The following ZNF385C variants were observed in gnomAD, a reference collection of about 807,000 sequenced individuals.
ZNF385C encodes the protein CTD-2132N18.2.
A neutral mutation model predicts 35.4 loss-of-function variants in ZNF385C; 28 were observed. That is an observed-to-expected ratio of 0.79 (90% CI 0.59 to 1.08). ZNF385C has a LOEUF of 1.08. Among genes scored for constraint, ZNF385C ranks in the 50% least tolerant of loss-of-function variants. ZNF385C has a pLI of 0.00. For missense variants in ZNF385C, 605 were observed against 595.6 expected (o/e 1.02, Z -0.16); for synonymous variants, 248 against 248.2 (o/e 1.00, Z 0.01).
chr17:42,042,167 C>T (rs1432887070), intron 2 of ZNF385C, among the ~76,000 whole-genome samples: 9 of 151,958 alleles, frequency 5.9e-5, no homozygotes, highest in Non-Finnish European at 1.0e-4. Flanking sequence ...AGGCCAGGAG[C>T]CCAAGACCAG....
intron 2 of ZNF385C, chr17:42,038,137 C>A: frequency 4.8e-6 from 7 of 1,453,758 alleles, no homozygotes; most frequent in Non-Finnish European, 5.5e-6. Flanking sequence ...CCTGCCCCTA[C>A]TGAGGCAGCA....
At chr17:42,073,251 A>G (rs1420027512) in intron 1 of ZNF385C, among the ~76,000 whole-genome samples, 2 of 152,132 alleles carry the variant, frequency 1.3e-5, no homozygotes, top group Non-Finnish European at 2.9e-5. Flanking sequence ...AGCGTGGCCA[A>G]CATGGTGAAA....
At chr17:42,032,367 C>A (rs191151936) in intron 4 of ZNF385C, among the ~76,000 whole-genome samples, 1 of 152,090 alleles carries the variant, frequency 6.6e-6, no homozygotes, top group East Asian at 1.9e-4. Context: ...CCACTAACTA[C>A]ATCTTTAGGC....
At chr17:42,087,829 A>AT (rs2053824674) in intron 1 of ZNF385C, among the ~76,000 whole-genome samples, 2 of 152,228 alleles carry the variant, frequency 1.3e-5, no homozygotes, top group Non-Finnish European at 2.9e-5. Flanking sequence ...AGAGTTAGTG[A>AT]TTATACCTCC....
intron 1 of ZNF385C, among the ~76,000 whole-genome samples, chr17:42,070,971 A>T (rs2053616363): frequency 6.6e-6 from 1 of 152,120 alleles, no homozygotes; most frequent in South Asian, 2.1e-4. Flanking sequence ...AGCCCTCTTT[A>T]GTGGTGTGGC....
chr17:42,060,265 C>T (rs2053441260), intron 2 of ZNF385C, among the ~76,000 whole-genome samples: 1 of 152,182 alleles, frequency 6.6e-6, no homozygotes, highest in Admixed American at 6.5e-5. Context: ...AAAGAAAAGG[C>T]TCCAGAATCT....
Position 42,025,749 on chromosome 17 carries a change from A to G in ZNF385C, c.*1148T>C, listed in dbSNP as rs1307522531. Reference sequence around the variant, plus strand: ...CAGGGTCCCATATTGTGGGGTGGGGAGGGGGCAGTGCTGCAGTGGAAAGGA... The same window carrying G: ...CAGGGTCCCATATTGTGGGGTGGGGGGGGGGCAGTGCTGCAGTGGAAAGGA... On this transcript the variant is annotated 3_prime_UTR_variant, in exon 9 of 9. Coordinates refer to ENST00000692273, the MANE Select transcript of ZNF385C (RefSeq NM_001392013.1). 2.0e-5 allele frequency: 3 copies of G among 152,354 alleles called. No individual in the cohort carries two copies. Among genetic ancestry groups the G allele is most frequent in the Non-Finnish European group, 4.4e-5 (3 of 68,028 alleles). 9.4% of individuals were successfully genotyped at this position (152,354 alleles called of 1,614,324 possible).
At chr17:42,060,458 A>G (rs1428202432) in intron 2 of ZNF385C, among the ~76,000 whole-genome samples, 1 of 151,670 alleles carries the variant, frequency 6.6e-6, no homozygotes, top group African/African-American at 2.4e-5. Context: ...CACCCTGCAC[A>G]CTCCCTGCAC....
intron 2 of ZNF385C, chr17:42,042,979 G>A (rs1473840840): frequency 1.6e-6 from 2 of 1,232,326 alleles, no homozygotes; most frequent in African/African-American, 3.1e-5. Context: ...GTACACAGTA[G>A]TCAGCACAGC....
In ZNF385C at chr17:42,026,517, A is replaced by G; in HGVS notation, c.*380T>C. ...CAGTGAAGCCCCAAAGCCTAGGAAT[A>G]GAGGTCAGAGAGTCGTCCCCTGGCT... is the stretch of plus-strand genomic sequence containing the variant. On this transcript the variant is annotated 3_prime_UTR_variant, in exon 9 of 9. Transcript: ENST00000692273. The G allele has an allele frequency of 3.7e-6, 1 of 270,916 alleles. No homozygotes were observed. Among genetic ancestry groups the G allele is most frequent in the Non-Finnish European group, 7.1e-6 (1 of 140,378 alleles). The allele number at this position is 270,916 out of a possible 1,614,324, so 16.8% of individuals were successfully genotyped here. A position where few individuals can be genotyped will look rare whatever the true frequency, so the allele number is the denominator to read the frequency against.
chr17:42,027,572 C>CCCCAA, intron 8 of ZNF385C, 46 bp downstream of exon 8: 1 of 1,048,362 alleles, frequency 9.5e-7, no homozygotes, highest in Non-Finnish European at 1.4e-6. Context: ...AGCCCACCCT[C>CCCCAA]TCCCCTCCTG....
At chr17:42,092,308 C>T (rs1266519239) in intron 1 of ZNF385C, among the ~76,000 whole-genome samples, 6 of 151,714 alleles carry the variant, frequency 4.0e-5, no homozygotes, top group Admixed American at 2.0e-4. Context: ...GGCTGAGGCA[C>T]GAGAATCTTG....
intron 2 of ZNF385C, among the ~76,000 whole-genome samples, chr17:42,051,121 C>A (rs1295549939): frequency 1.3e-5 from 2 of 151,768 alleles, no homozygotes; most frequent in Admixed American, 6.6e-5. Context: ...TGACAGGTCG[C>A]TGCAGGTTCA....
intron 1 of ZNF385C, among the ~76,000 whole-genome samples, chr17:42,064,052 C>G (rs1555658258): frequency 7.0e-6 from 1 of 143,292 alleles, no homozygotes; most frequent in African/African-American, 2.5e-5. Context: ...CGCCCTGTCC[C>G]CCAACGCGCG....
At chr17:42,052,280 G>C (rs2053297036) in intron 2 of ZNF385C, among the ~76,000 whole-genome samples, 1 of 152,162 alleles carries the variant, frequency 6.6e-6, no homozygotes, top group African/African-American at 2.4e-5. Context: ...GCCACCAAGG[G>C]AGAAGATCTG....
At chr17:42,076,548 G>A (rs1598202235) in intron 1 of ZNF385C, among the ~76,000 whole-genome samples, 1 of 152,126 alleles carries the variant, frequency 6.6e-6, no homozygotes, top group Admixed American at 6.5e-5. Flanking sequence ...TGTGAACCCG[G>A]GGGGCGGAGC....
intron 2 of ZNF385C, chr17:42,043,159 C>T (rs2053067326): frequency 1.1e-5 from 13 of 1,232,068 alleles, no homozygotes; most frequent in South Asian, 8.2e-5. Context: ...CAGGGCGTGG[C>T]GCTGGAAGTT....
At chr17:42,046,712 C>T (rs1301507768) in intron 2 of ZNF385C, among the ~76,000 whole-genome samples, 2 of 151,834 alleles carry the variant, frequency 1.3e-5, no homozygotes, top group Admixed American at 6.6e-5. Flanking sequence ...ACAGCAATAC[C>T]CAGTCTCCAA....
intron 2 of ZNF385C, among the ~76,000 whole-genome samples, chr17:42,047,677 A>G (rs1451831891): frequency 6.6e-6 from 1 of 151,304 alleles, no homozygotes; most frequent in Non-Finnish European, 1.5e-5. Flanking sequence ...TTTTCGAGAC[A>G]GAGTCTTGCT....
Sources: allele counts gnomAD v4.1 joint callset (sites outside exome capture counted in the v4.1 genomes callset), GRCh38; gene constraint gnomAD v4.1.1; transcripts MANE v1.5; gene names NCBI Gene and HGNC (gene_info 2026-07-23, HGNC 2026-07-21).